NPSR1: variants seen among roughly 807,000 people sequenced by gnomAD.
The protein encoded by NPSR1 is neuropeptide S receptor.
Under a neutral mutation model 46.9 loss-of-function variants are expected in NPSR1, and 48 were observed. The observed-to-expected ratio is 1.02, with a 90% CI of 0.81 to 1.30. NPSR1 has a LOEUF of 1.30. Among genes scored for constraint, NPSR1 ranks in the 50% most tolerant of loss-of-function variants. NPSR1 has a pLI of 0.00. For missense variants in NPSR1, 450 were observed against 449.5 expected, an observed-to-expected ratio of 1.00 and a Z score of -0.01; for synonymous variants, 176 against 168.1, an observed-to-expected ratio of 1.05 and a Z score of -0.36.
chr7:34,851,086 G>A (rs1011072634), downstream of NPSR1, among the ~76,000 whole-genome samples: 16 of 152,016 alleles, frequency 1.1e-4, no homozygotes, highest in Admixed American at 5.9e-4. Context: ...CCACGGCTCC[G>A]GTATGCACGT....
intron 4 of NPSR1, among the ~76,000 whole-genome samples, chr7:34,812,656 T>A (rs1419564510): frequency 1.3e-5 from 2 of 152,178 alleles, no homozygotes; most frequent in African/African-American, 4.8e-5. Flanking sequence ...TTCACAAGAC[T>A]AGCTGCCTAC....
chr7:34,727,486 T>G (rs1055258677), intron 2 of NPSR1, among the ~76,000 whole-genome samples: 1 of 152,198 alleles, frequency 6.6e-6, no homozygotes, highest in Non-Finnish European at 1.5e-5. Flanking sequence ...ATCAGGACAA[T>G]GATGTATGTA....
intron 8 of NPSR1, among the ~76,000 whole-genome samples, chr7:34,859,414 C>A (rs1791132761): frequency 6.6e-6 from 1 of 151,592 alleles, no homozygotes; most frequent in African/African-American, 2.4e-5. Flanking sequence ...CCTTGTCCCC[C>A]AGAGTGGAGA....
chr7:34,811,216 G>T (rs1788970720), intron 3 of NPSR1, among the ~76,000 whole-genome samples: 1 of 152,186 alleles, frequency 6.6e-6, no homozygotes, highest in Admixed American at 6.5e-5. Context: ...ATGAATGCAG[G>T]AGTTTTATTG....
intron 2 of NPSR1, among the ~76,000 whole-genome samples, chr7:34,777,645 G>A (rs73325784): frequency 1.3e-5 from 2 of 152,090 alleles, no homozygotes; most frequent in African/African-American, 2.4e-5. Flanking sequence ...AAGAGGGAAC[G>A]ATCAGTGGAA....
At chr7:34,870,026 G>A (rs1218600116) in intron 8 of NPSR1, among the ~76,000 whole-genome samples, 1 of 151,670 alleles carries the variant, frequency 6.6e-6, no homozygotes, top group African/African-American at 2.4e-5. Context: ...GCATACTTTT[G>A]TACCTTAGTC....
intron 3 of NPSR1, among the ~76,000 whole-genome samples, chr7:34,802,678 A>T (rs1463750617): frequency 6.6e-6 from 1 of 150,416 alleles, no homozygotes; most frequent in East Asian, 1.9e-4. Flanking sequence ...TGTCTAAAAC[A>T]CCAAAAGCAA....
intron 2 of NPSR1, among the ~76,000 whole-genome samples, chr7:34,732,079 CAAAAAAAAAAAA>C (rs535991989): frequency 2.1e-5 from 2 of 93,912 alleles, no homozygotes; most frequent in East Asian, 3.2e-4. Flanking sequence ...GACTTCATCT[CAAAAAAAAAAAA>C]AAAAAAAAAA....
chr7:34,811,901 T>C (rs370033286), intron 4 of NPSR1, 38 bp downstream of exon 4: 26 of 1,295,164 alleles, frequency 2.0e-5, no homozygotes, highest in Non-Finnish European at 2.9e-5. Context: ...CATAAAGAAC[T>C]GTCCTTGAGT....
Position 34,825,351 on chromosome 7 carries a change from G to A in NPSR1, c.479-2050G>A, listed in dbSNP as rs1233980972. Reference sequence around the variant, plus strand: ...CTTTCATACTGTCCTAATCACAGGTGACTCGATGTCTACATAAACTAAGTC... The same window carrying A: ...CTTTCATACTGTCCTAATCACAGGTAACTCGATGTCTACATAAACTAAGTC... On this transcript the variant is annotated intron_variant, in intron 4 of 8. Transcript: ENST00000360581. Among the ~76,000 whole-genome samples, 2 of 152,168 alleles carry A rather than the reference G, an allele frequency of 1.3e-5. 1 individual carries two copies. Among genetic ancestry groups the A allele is most frequent in the Non-Finnish European group, 2.9e-5 (2 of 68,032 alleles).
intron 8 of NPSR1, among the ~76,000 whole-genome samples, chr7:34,868,263 G>T (rs1397603144): frequency 6.6e-6 from 1 of 151,606 alleles, no homozygotes; most frequent in Non-Finnish European, 1.5e-5. Flanking sequence ...TCACTAGAAA[G>T]CCAGCCCTGG....
At chr7:34,742,596 C>A (rs1051733818) in intron 2 of NPSR1, among the ~76,000 whole-genome samples, 10 of 152,148 alleles carry the variant, frequency 6.6e-5, no homozygotes, top group Non-Finnish European at 1.3e-4. Flanking sequence ...GATTCTATGT[C>A]TTTGCTCTTG....
chr7:34,669,298 C>G (rs1374145190), intron 1 of NPSR1, among the ~76,000 whole-genome samples: 8 of 152,174 alleles, frequency 5.3e-5, no homozygotes, highest in African/African-American at 1.9e-4. Context: ...TATGGTGGCT[C>G]ACGCCTGTAA....
chr7:34,716,237 C>G (rs1783557466), intron 2 of NPSR1, among the ~76,000 whole-genome samples: 1 of 152,154 alleles, frequency 6.6e-6, no homozygotes, highest in Non-Finnish European at 1.5e-5. Flanking sequence ...TAACAAAACA[C>G]TGCCATTCAT....
intron 2 of NPSR1, among the ~76,000 whole-genome samples, chr7:34,758,724 A>C (rs899937381): frequency 6.6e-6 from 1 of 152,188 alleles, no homozygotes; most frequent in South Asian, 2.1e-4. Context: ...CTATCAGTCT[A>C]TCTATAATAC....
intron 2 of NPSR1, chr7:34,718,974 C>A (rs1318618593): frequency 6.6e-6 from 1 of 152,230 alleles, no homozygotes; most frequent in African/African-American, 2.4e-5. Flanking sequence ...GTGCCCAGTA[C>A]ACAGGAAGTG....
intron 8 of NPSR1, among the ~76,000 whole-genome samples, chr7:34,875,672 T>C (rs1052261841): frequency 3.9e-5 from 6 of 152,134 alleles, no homozygotes; most frequent in African/African-American, 9.7e-5. Flanking sequence ...CTGGCTGCTA[T>C]TGTTAGGAGA....
intron 3 of NPSR1, among the ~76,000 whole-genome samples, chr7:34,807,764 A>G (rs1206311056): frequency 5.9e-5 from 9 of 152,070 alleles, no homozygotes; most frequent in Admixed American, 4.6e-4. Context: ...GGTTTGGTGT[A>G]ATTTCAGTTC....
At chr7:34,746,516 G>A (rs915867701) in intron 2 of NPSR1, among the ~76,000 whole-genome samples, 3 of 152,094 alleles carry the variant, frequency 2.0e-5, no homozygotes, top group Non-Finnish European at 2.9e-5. Flanking sequence ...ATCTGCAGTT[G>A]GAACTCTTCA....
Sources: allele counts gnomAD v4.1 joint callset (sites outside exome capture counted in the v4.1 genomes callset), GRCh38; gene constraint gnomAD v4.1.1; transcripts MANE v1.5; gene names NCBI Gene and HGNC (gene_info 2026-07-23, HGNC 2026-07-21).